AFP: variants seen among roughly 807,000 people sequenced by gnomAD.
The protein encoded by AFP is alpha fetoprotein, also known as alpha-fetoprotein.
AFP carries 64 observed loss-of-function variants against 78.9 expected under a neutral mutation model. The ratio of observed to expected loss-of-function variants is 0.81; its 90% CI spans 0.66 to 1.00. AFP has a LOEUF of 1.00. Among genes scored for constraint, AFP ranks in the 50% least tolerant of loss-of-function variants. The pLI, the probability that AFP is intolerant of heterozygous loss-of-function variation, is 0.00. For missense variants in AFP, 689 were observed against 703.8 expected, an observed-to-expected ratio of 0.98 and a Z score of 0.24; for synonymous variants, 254 against 243.8, an observed-to-expected ratio of 1.04 and a Z score of -0.39.
intron 9 of AFP, 60 bp from the exon 10 acceptor site, chr4:73,449,976 T>C: frequency 9.3e-7 from 1 of 1,080,618 alleles, no homozygotes; most frequent in Middle Eastern, 2.0e-4. Context: ...ATCAATTTTA[T>C]ATACAAAGTT....
chr4:73,440,535 C>T, intron 3 of AFP, 67 bp from the exon 4 acceptor site: 1 of 1,267,116 alleles, frequency 7.9e-7, no homozygotes, highest in Non-Finnish European at 1.1e-6. Context: ...GAAAATGTTT[C>T]ATGTGTCTTA....
Sources: gnomAD v4.1 joint callset for allele counts on GRCh38, gnomAD v4.1.1 for gene constraint, MANE v1.5 for transcripts, NCBI Gene and HGNC (gene_info 2026-07-23, HGNC 2026-07-21) for gene names.